MAGI2: variants seen among roughly 807,000 people sequenced by gnomAD.
The protein encoded by MAGI2 is membrane-associated guanylate kinase, WW and PDZ domain-containing protein 2.
Under a neutral mutation model 133.3 loss-of-function variants are expected in MAGI2, and 35 were observed. The ratio of observed to expected loss-of-function variants is 0.26; its 90% confidence interval spans 0.20 to 0.35. The LOEUF (loss-of-function observed/expected upper bound fraction) is 0.35. MAGI2 is among the 10% of genes least tolerant of loss of function. MAGI2 has a pLI of 1.00. For missense variants in MAGI2, 1,636 were observed against 1,863.4 expected (o/e 0.88, Z 2.25); for synonymous variants, 729 against 710.6 (o/e 1.03, Z -0.41).
At chr7:78,413,810 T>C (rs1322902245) in intron 6 of MAGI2, among the ~76,000 whole-genome samples, 1 of 152,018 alleles carries the variant, frequency 6.6e-6, no homozygotes, top group Non-Finnish European at 1.5e-5. Flanking sequence ...AATTTTTGGA[T>C]GTTGCAATTC....
intron 9 of MAGI2, among the ~76,000 whole-genome samples, chr7:78,273,318 T>C (rs577217792): frequency 3.2e-4 from 49 of 152,322 alleles, no homozygotes; most frequent in South Asian, 1.0e-3. Context: ...GTTAGTCTGA[T>C]GGGCTTCCTT....
At chr7:78,156,837 A>C (rs540483440) in intron 16 of MAGI2, among the ~76,000 whole-genome samples, 23 of 149,942 alleles carry the variant, frequency 1.5e-4, no homozygotes, top group South Asian at 6.4e-4. Flanking sequence ...CCAAAAAAAA[A>C]CCCCAAAAAA....
At chr7:78,768,147 C>A (rs1052246745) in intron 2 of MAGI2, among the ~76,000 whole-genome samples, 1 of 152,216 alleles carries the variant, frequency 6.6e-6, no homozygotes, top group Non-Finnish European at 1.5e-5. Flanking sequence ...CCAGCAAGCT[C>A]TGCTCTTAGC....
intron 1 of MAGI2, among the ~76,000 whole-genome samples, chr7:79,179,426 C>G (rs979833852): frequency 6.6e-6 from 1 of 151,900 alleles, no homozygotes; most frequent in Non-Finnish European, 1.5e-5. Context: ...AAAAAACAAT[C>G]ATACAATTCA....
At chr7:78,983,941 A>T (rs1438122958) in intron 2 of MAGI2, among the ~76,000 whole-genome samples, 1 of 151,832 alleles carries the variant, frequency 6.6e-6, no homozygotes, top group Non-Finnish European at 1.5e-5. Context: ...CTCTAAACTG[A>T]ACTCCAGATT....
intron 3 of MAGI2, among the ~76,000 whole-genome samples, chr7:78,557,080 CAAAAAAAAAA>C (rs796371005): frequency 2.4e-5 from 1 of 40,952 alleles, no homozygotes; most frequent in Non-Finnish European, 4.4e-5. Flanking sequence ...GGCAGAGTCT[CAAAAAAAAAA>C]AAAAAAAAAA....
chr7:79,138,731 C>T (rs777143751), intron 1 of MAGI2, among the ~76,000 whole-genome samples: 23 of 152,142 alleles, frequency 1.5e-4, no homozygotes, highest in African/African-American at 2.9e-4. Context: ...GATGGCCAGG[C>T]GCGGTGGCTC....
intron 2 of MAGI2, among the ~76,000 whole-genome samples, chr7:78,848,423 C>T (rs1435058990): frequency 1.3e-5 from 2 of 152,010 alleles, no homozygotes; most frequent in African/African-American, 2.4e-5. Flanking sequence ...ATTTTGCTCT[C>T]TTTCTATCCT....
At chr7:78,543,990 C>G (rs1027376122) in intron 3 of MAGI2, among the ~76,000 whole-genome samples, 2 of 152,172 alleles carry the variant, frequency 1.3e-5, no homozygotes, top group African/African-American at 4.8e-5. Context: ...TACATTCATG[C>G]CATAAACAAC....
At chr7:79,338,472 G>A (rs1171319625) in intron 1 of MAGI2, among the ~76,000 whole-genome samples, 1 of 152,090 alleles carries the variant, frequency 6.6e-6, no homozygotes, top group East Asian at 1.9e-4. Context: ...AGTAACATGT[G>A]TATTTCCGAC....
At chr7:78,788,439 C>T (rs544084758) in intron 2 of MAGI2, among the ~76,000 whole-genome samples, 1 of 151,874 alleles carries the variant, frequency 6.6e-6, no homozygotes, top group South Asian at 2.1e-4. Context: ...TCTTTTTATC[C>T]TTCATATCCT....
At chr7:78,624,919 T>TA (rs1049227820) in intron 3 of MAGI2, among the ~76,000 whole-genome samples, 2 of 152,106 alleles carry the variant, frequency 1.3e-5, no homozygotes, top group Non-Finnish European at 2.9e-5. Flanking sequence ...TTCTACTTAT[T>TA]AAAAAACGTT....
chr7:78,780,070 G>A (rs1826276251), intron 2 of MAGI2, among the ~76,000 whole-genome samples: 1 of 152,204 alleles, frequency 6.6e-6, no homozygotes, highest in Non-Finnish European at 1.5e-5. Context: ...GCAGATAAAT[G>A]TGAACAGTCC....
chr7:78,241,736 CA>C (rs2150908285), intron 10 of MAGI2, among the ~76,000 whole-genome samples: 1 of 152,036 alleles, frequency 6.6e-6, no homozygotes, highest in Admixed American at 6.5e-5. Flanking sequence ...AGTTCGAGAC[CA>C]GCCTGGCCAA....
At chr7:78,291,948 T>A (rs1315734452) in intron 9 of MAGI2, among the ~76,000 whole-genome samples, 1 of 152,188 alleles carries the variant, frequency 6.6e-6, no homozygotes, top group Non-Finnish European at 1.5e-5. Context: ...TAGTAAGAGC[T>A]ATTTATGACA....
chr7:79,391,518 T>TATATATATAGAC (rs1844626858), intron 1 of MAGI2, among the ~76,000 whole-genome samples: 1 of 59,576 alleles, frequency 1.7e-5, no homozygotes, highest in African/African-American at 1.7e-4. Flanking sequence ...CATATATATA[T>TATATATATAGAC]ATATATATAT....
intron 3 of MAGI2, among the ~76,000 whole-genome samples, chr7:78,557,097 A>AAAAAAAAG (rs1554473311): frequency 7.2e-5 from 10 of 139,010 alleles, no homozygotes; most frequent in South Asian, 4.5e-4. Flanking sequence ...AAAAAAAAAA[A>AAAAAAAAG]AAAGAAAAAG....
Position 78,179,304 on chromosome 7 carries a change from C to T in MAGI2, c.2312-1202G>A, listed in dbSNP as rs1826961324. 2.6e-5 allele frequency among the ~76,000 whole-genome samples: 4 copies of T among 152,332 alleles called. No individual in the cohort carries two copies. In the South Asian group the frequency reaches 8.3e-4, roughly 32 times the overall value. On this transcript the variant is annotated intron_variant, in intron 13 of 21. Transcript: ENST00000354212. Reference sequence around the variant, plus strand: ...CAGAGAATTCTCATGGGACAAAAATCTATGTCTGAGCCACATGATTATACA... The same window carrying T: ...CAGAGAATTCTCATGGGACAAAAATTTATGTCTGAGCCACATGATTATACA...
chr7:78,070,617 T>TATGC (rs1814566730), intron 21 of MAGI2, among the ~76,000 whole-genome samples: 3 of 92,976 alleles, frequency 3.2e-5, no homozygotes, highest in East Asian at 1.3e-3. Context: ...TATATATATA[T>TATGC]GTGTGTGTGT....
Sources: allele counts gnomAD v4.1 joint callset (sites outside exome capture counted in the v4.1 genomes callset), GRCh38; gene constraint gnomAD v4.1.1; transcripts MANE v1.5; gene names NCBI Gene and HGNC (gene_info 2026-07-23, HGNC 2026-07-21).